Variants in CD247 observed in about 807,000 individuals in gnomAD.
CD247 encodes CD247 molecule.
CD247 carries 13 observed loss-of-function variants against 30.0 expected under a neutral mutation model. The ratio of observed to expected loss-of-function variants is 0.43; its 90% CI spans 0.28 to 0.69. The LOEUF is 0.69. Among genes scored for constraint, CD247 ranks in the 30% least tolerant of loss-of-function variants. The probability of loss-of-function intolerance (pLI) is 0.16; values close to 1 mark genes in which losing one functional copy is unlikely to be tolerated. For synonymous variants in CD247, 72 were observed against 80.0 expected, an observed-to-expected ratio of 0.90 and a Z score of 0.53; for missense variants, 193 against 212.6, an observed-to-expected ratio of 0.91 and a Z score of 0.57.
At chr1:167,435,719 A>G (rs886079661) in intron 4 of CD247, among the ~76,000 whole-genome samples, 2 of 152,232 alleles carry the variant, frequency 1.3e-5, no homozygotes, top group Non-Finnish European at 2.9e-5. Context: ...GCCCACACAC[A>G]TCACAAGCTG....
intron 1 of CD247, among the ~76,000 whole-genome samples, chr1:167,468,073 TC>T (rs752645389): frequency 6.6e-6 from 1 of 152,228 alleles, no homozygotes; most frequent in South Asian, 2.1e-4. Flanking sequence ...GATACTACGC[TC>T]ACACCGACAT....
chr1:167,461,525 T>C (rs556181881), intron 1 of CD247, among the ~76,000 whole-genome samples: 3 of 152,324 alleles, frequency 2.0e-5, no homozygotes, highest in Non-Finnish European at 4.4e-5. Flanking sequence ...CCAAGTTCCA[T>C]AGTGTATAAG....
intron 1 of CD247, among the ~76,000 whole-genome samples, chr1:167,507,207 C>A (rs1655178321): frequency 6.6e-6 from 1 of 151,670 alleles, no homozygotes; most frequent in Admixed American, 6.6e-5. Context: ...GTGTAAGCCA[C>A]CACGCCTGGC....
chr1:167,465,245 GGCCAGTCCC>G (rs1397948987), intron 1 of CD247, among the ~76,000 whole-genome samples: 6 of 151,696 alleles, frequency 4.0e-5, no homozygotes, highest in Non-Finnish European at 7.4e-5. Flanking sequence ...TGCCTCCAGT[GGCCAGTCCC>G]TTATAAACTG....
At chr1:167,453,949 G>A (rs560253828) in intron 1 of CD247, among the ~76,000 whole-genome samples, 50 of 152,238 alleles carry the variant, frequency 3.3e-4, no homozygotes, top group African/African-American at 1.2e-3. Context: ...GGGCAACAGA[G>A]TTAGACCCTG....
At chr1:167,481,864 C>T (rs1045133831) in intron 1 of CD247, among the ~76,000 whole-genome samples, 7 of 152,124 alleles carry the variant, frequency 4.6e-5, no homozygotes, top group African/African-American at 1.7e-4. Flanking sequence ...CACACTGAGG[C>T]CCAGGGCAGG....
At chr1:167,475,381 A>C (rs775171893) in intron 1 of CD247, among the ~76,000 whole-genome samples, 3 of 152,238 alleles carry the variant, frequency 2.0e-5, no homozygotes, top group Non-Finnish European at 4.4e-5. Flanking sequence ...ATAAATAATA[A>C]ATCATTATAA....
At chr1:167,438,535 T>C (rs1651656934) in intron 4 of CD247, 35 bp downstream of exon 4, 8 of 1,544,670 alleles carry the variant, frequency 5.2e-6, no homozygotes, top group Admixed American at 1.7e-5. Context: ...CCACCACACA[T>C]GCAGGAACAC....
intron 1 of CD247, among the ~76,000 whole-genome samples, chr1:167,515,026 C>G (rs749808046): frequency 6.6e-6 from 1 of 152,104 alleles, no homozygotes; most frequent in Non-Finnish European, 1.5e-5. Flanking sequence ...TCCCCAGGAC[C>G]GTTTCTGGGG....
chr1:167,460,638 G>A (rs767600214), intron 1 of CD247, among the ~76,000 whole-genome samples: 20 of 152,070 alleles, frequency 1.3e-4, no homozygotes, highest in Non-Finnish European at 8.8e-5. Context: ...TGTGAACAAC[G>A]TGCAGGTTTG....
At chr1:167,501,123 C>T (rs1339984594) in intron 1 of CD247, among the ~76,000 whole-genome samples, 16 of 148,784 alleles carry the variant, frequency 1.1e-4, no homozygotes, top group Non-Finnish European at 1.6e-4. Flanking sequence ...GGCGCGATCT[C>T]GGCTCACCAC....
chr1:167,517,152 T>C (rs978422728), intron 1 of CD247, among the ~76,000 whole-genome samples: 6 of 152,176 alleles, frequency 3.9e-5, no homozygotes, highest in African/African-American at 1.2e-4. Flanking sequence ...GTGTGTGACT[T>C]AGACCCCACA....
intron 1 of CD247, among the ~76,000 whole-genome samples, chr1:167,453,959 G>A (rs1355772454): frequency 1.3e-5 from 2 of 151,964 alleles, no homozygotes; most frequent in African/African-American, 4.8e-5. Flanking sequence ...GTTAGACCCT[G>A]CCTCAAAAAC....
intron 1 of CD247, among the ~76,000 whole-genome samples, chr1:167,474,445 C>T (rs949368610): frequency 8.5e-5 from 13 of 152,052 alleles, no homozygotes; most frequent in African/African-American, 3.1e-4. Context: ...GGCCACAGAA[C>T]CTAACTGGAG....
At chr1:167,445,923 T>C (rs1459843004) in intron 1 of CD247, among the ~76,000 whole-genome samples, 1 of 152,222 alleles carries the variant, frequency 6.6e-6, no homozygotes, top group African/African-American at 2.4e-5. Context: ...ACTTTTAAAG[T>C]GACTTCCTGT....
At chr1:167,446,092 C>G (rs111770948) in intron 1 of CD247, among the ~76,000 whole-genome samples, 6 of 152,278 alleles carry the variant, frequency 3.9e-5, no homozygotes, top group African/African-American at 1.4e-4. Flanking sequence ...TCCTGGGTCT[C>G]CTGACTCCAG....
chr1:167,482,852 T>C (rs1309841639), intron 1 of CD247, among the ~76,000 whole-genome samples: 1 of 152,132 alleles, frequency 6.6e-6, no homozygotes, highest in Non-Finnish European at 1.5e-5. Context: ...CCAGGTCTAT[T>C]CAAGGATGGG....
At position 167,502,280 on chromosome 1, in the gene CD247, C is replaced by T. The variant is rs74357937; in HGVS notation, c.58+16128G>A. 8.5e-3 allele frequency among the ~76,000 whole-genome samples: 1,301 copies of T among 152,282 alleles called. 21 individuals are homozygous for T. The highest frequency in any genetic ancestry group is 0.03 in the African/African-American group (1,232 of 41,552). On this transcript the variant is annotated intron_variant, in intron 1 of 7. Transcript: ENST00000362089. ...GGTGCACGGCCATCAGCGTTCAAAA[C>T]GAATAAATTGAGCCACCCTAGAAAC... is the stretch of plus-strand genomic sequence containing the variant.
chr1:167,513,172 A>G (rs1655466026), intron 1 of CD247, among the ~76,000 whole-genome samples: 1 of 152,268 alleles, frequency 6.6e-6, no homozygotes, highest in Non-Finnish European at 1.5e-5. Context: ...CTTACATAGC[A>G]ATTAAAAACA....
Sources: allele counts gnomAD v4.1 joint callset (sites outside exome capture counted in the v4.1 genomes callset), GRCh38; gene constraint gnomAD v4.1.1; transcripts MANE v1.5; gene names NCBI Gene and HGNC (gene_info 2026-07-23, HGNC 2026-07-21).